MAP2K1: variants seen among roughly 807,000 people sequenced by gnomAD.
MAP2K1 encodes dual specificity mitogen-activated protein kinase kinase 1.
MAP2K1 carries 16 observed loss-of-function variants against 46.3 expected under a neutral mutation model. That is an observed-to-expected ratio of 0.35 (90% confidence interval 0.23 to 0.52). The LOEUF is 0.52. Among genes scored for constraint, MAP2K1 ranks in the 20% least tolerant of loss-of-function variants. The probability of loss-of-function intolerance (pLI) is 0.94; values close to 1 mark genes in which losing one functional copy is unlikely to be tolerated. For synonymous variants in MAP2K1, 183 were observed against 185.6 expected (o/e 0.99, Z 0.11); for missense variants, 263 against 497.1 (o/e 0.53, Z 4.48).
intron 1 of MAP2K1, among the ~76,000 whole-genome samples, chr15:66,426,430 A>G (rs2093459280): frequency 6.6e-6 from 1 of 152,034 alleles, no homozygotes; most frequent in African/African-American, 2.4e-5. Flanking sequence ...AAAAATTAGC[A>G]TGTATACCTG....
At chr15:66,422,763 G>A (rs2093446703) in intron 1 of MAP2K1, among the ~76,000 whole-genome samples, 1 of 151,898 alleles carries the variant, frequency 6.6e-6, no homozygotes, top group Admixed American at 6.6e-5. Context: ...GATGTTTGTT[G>A]TTTTTTGTTA....
intron 3 of MAP2K1, among the ~76,000 whole-genome samples, chr15:66,438,082 CT>C (rs1239215359): frequency 1.7e-5 from 2 of 120,534 alleles, no homozygotes; most frequent in Non-Finnish European, 3.6e-5. Flanking sequence ...TTTCCCCTTT[CT>C]TTTTTTTTCT....
At chr15:66,469,419 G>C (rs1284589403) in intron 5 of MAP2K1, among the ~76,000 whole-genome samples, 1 of 150,310 alleles carries the variant, frequency 6.7e-6, no homozygotes, top group Non-Finnish European at 1.5e-5. Context: ...TATACTCTTG[G>C]GGAGACCCAT....
At chr15:66,453,285 A>G (rs888283358) in intron 5 of MAP2K1, among the ~76,000 whole-genome samples, 4 of 152,134 alleles carry the variant, frequency 2.6e-5, no homozygotes, top group Admixed American at 6.5e-5. Flanking sequence ...GGCTTCACCA[A>G]TTGTTGCTCT....
intron 5 of MAP2K1, among the ~76,000 whole-genome samples, chr15:66,470,526 G>A (rs761394181): frequency 6.6e-6 from 1 of 152,114 alleles, no homozygotes; most frequent in Non-Finnish European, 1.5e-5. Context: ...TCCTTGTGTC[G>A]GAAGCAAGTA....
intron 1 of MAP2K1, among the ~76,000 whole-genome samples, chr15:66,399,453 C>G (rs1239212046): frequency 2.0e-5 from 3 of 149,460 alleles, no homozygotes; most frequent in East Asian, 1.9e-4. Flanking sequence ...CTCCCACCCC[C>G]TCTTTTTTTT....
At position 66,485,107 on chromosome 15, in the gene MAP2K1, C is replaced by T. The variant is rs1893006276; in HGVS notation, c.811C>T (p.Leu271=). The T allele has an allele frequency of 1.2e-6, 2 of 1,614,048 alleles. No homozygotes were observed. Among genetic ancestry groups the T allele is most frequent in the South Asian group, 1.1e-5 (1 of 91,072 alleles). The change falls in exon 7 of 11, where the codon CTG becomes TTG. Residue 271 remains leucine, a synonymous_variant. Transcript: ENST00000307102. ...CATCCCTCCTCCAGATGCCAAGGAG[C>T]TGGAGCTGATGTTTGGGTGCCAGGT... ...YPIPPPDAKE[L]ELMFGCQVEG...
chr15:66,412,868 T>TTTTA (rs1057224167), intron 1 of MAP2K1, among the ~76,000 whole-genome samples: 2 of 151,590 alleles, frequency 1.3e-5, no homozygotes, highest in African/African-American at 2.4e-5. Flanking sequence ...CTTGTGGAAA[T>TTTTA]TTTATTTATT....
At chr15:66,462,058 T>C (rs1353195619) in intron 5 of MAP2K1, among the ~76,000 whole-genome samples, 1 of 152,224 alleles carries the variant, frequency 6.6e-6, no homozygotes, top group East Asian at 1.9e-4. Flanking sequence ...CCTATCCTCT[T>C]AGAGCTGTGA....
Position 66,389,572 on chromosome 15 carries a change from G to T in MAP2K1, c.80+2145G>T, listed in dbSNP as rs368719301. Among the ~76,000 whole-genome samples the T allele has an allele frequency of 3.5e-3, 303 of 86,972 alleles. 7 individuals carry two copies. The highest frequency in any genetic ancestry group is 0.025 in the Middle Eastern group (3 of 122). The allele number at this position is 86,972 out of a possible 152,430, so 57.1% of individuals were successfully genotyped here. A position where few individuals can be genotyped will look rare whatever the true frequency, so the allele number is the denominator to read the frequency against. ...AAGTTTGAAGCCTAGCTCTGTTGTG[G>T]TTTTTTTTTTTTTTTTTTTTTTTTG... On this transcript the variant is annotated intron_variant, in intron 1 of 10. Transcript: ENST00000307102.
chr15:66,489,594 A>G, intron 9 of MAP2K1, 124 bp from the exon 10 acceptor site: 1 of 818,596 alleles, frequency 1.2e-6, no homozygotes, highest in Admixed American at 1.7e-5. Context: ...TTAGAACAGG[A>G]GGATGAATCA....
chr15:66,463,265 A>G (rs563200180), intron 5 of MAP2K1, among the ~76,000 whole-genome samples: 79 of 152,348 alleles, frequency 5.2e-4, no homozygotes, highest in African/African-American at 1.8e-3. Flanking sequence ...GAGAGAAGAT[A>G]TCTCGATTGA....
intron 5 of MAP2K1, among the ~76,000 whole-genome samples, chr15:66,463,817 A>G (rs1441629142): frequency 6.6e-6 from 1 of 152,200 alleles, no homozygotes; most frequent in Non-Finnish European, 1.5e-5. Flanking sequence ...GGGAGTCGTG[A>G]GACATCAATT....
intron 1 of MAP2K1, among the ~76,000 whole-genome samples, chr15:66,390,741 T>C (rs1444843511): frequency 6.6e-6 from 1 of 152,130 alleles, no homozygotes; most frequent in African/African-American, 2.4e-5. Context: ...AAATCCAAAC[T>C]CCTTATATTG....
chr15:66,444,905 C>A, intron 5 of MAP2K1, 198 bp downstream of exon 5: 1 of 579,864 alleles, frequency 1.7e-6, no homozygotes, highest in Non-Finnish European at 3.1e-6. Flanking sequence ...ACACCTATTG[C>A]CTATAGCTGT....
At chr15:66,400,549 G>A (rs889044374) in intron 1 of MAP2K1, among the ~76,000 whole-genome samples, 1 of 152,138 alleles carries the variant, frequency 6.6e-6, no homozygotes, top group Non-Finnish European at 1.5e-5. Flanking sequence ...TCCAGAAACT[G>A]CCAATTTCGA....
chr15:66,457,834 A>G (rs1436634867), intron 5 of MAP2K1, among the ~76,000 whole-genome samples: 2 of 151,878 alleles, frequency 1.3e-5, no homozygotes, highest in African/African-American at 4.8e-5. Flanking sequence ...ATGGTAGCAG[A>G]CGCCTGTAAT....
At chr15:66,416,093 A>G (rs1193833408) in intron 1 of MAP2K1, among the ~76,000 whole-genome samples, 1 of 152,150 alleles carries the variant, frequency 6.6e-6, no homozygotes, top group Non-Finnish European at 1.5e-5. Flanking sequence ...ACTCACCTGG[A>G]TGCATCCACT....
intron 1 of MAP2K1, among the ~76,000 whole-genome samples, chr15:66,408,820 C>T (rs1255817140): frequency 6.6e-6 from 1 of 152,102 alleles, no homozygotes; most frequent in Non-Finnish European, 1.5e-5. Context: ...GAGGTCATGT[C>T]TTATGTAAAT....
Sources: allele counts gnomAD v4.1 joint callset (sites outside exome capture counted in the v4.1 genomes callset), GRCh38; gene constraint gnomAD v4.1.1; transcripts MANE v1.5; gene names NCBI Gene and HGNC (gene_info 2026-07-23, HGNC 2026-07-21).